WFDC11: variants seen among roughly 807,000 people sequenced by gnomAD.
The protein encoded by WFDC11 is WAP four-disulfide core domain 11.
In WFDC11, 9 loss-of-function variants were observed where a neutral mutation model predicts 9.9. That is an observed-to-expected ratio of 0.91 (90% CI 0.55 to 1.58). WFDC11 has a LOEUF of 1.58. WFDC11 is among the 40% of genes most tolerant of loss of function. The probability of loss-of-function intolerance (pLI) is 0.00; values close to 1 mark genes in which losing one functional copy is unlikely to be tolerated. For synonymous variants in WFDC11, 32 were observed against 33.3 expected (o/e 0.96, Z 0.13); for missense variants, 106 against 101.7 (o/e 1.04, Z -0.18).
chr20:45,656,536 C>T (rs1982935881), intron 2 of WFDC11, among the ~76,000 whole-genome samples: 1 of 152,200 alleles, frequency 6.6e-6, no homozygotes, highest in Non-Finnish European at 1.5e-5. Context: ...GCAAGGACTT[C>T]ATGACTAAAA....
At chr20:45,662,249 G>A (rs1279749128) in intron 2 of WFDC11, among the ~76,000 whole-genome samples, 1 of 152,168 alleles carries the variant, frequency 6.6e-6, no homozygotes, top group African/African-American at 2.4e-5. Flanking sequence ...GAATGCTTGT[G>A]ATTTTTGAAC....
chr20:45,663,945 T>A (rs890564228), intron 2 of WFDC11, among the ~76,000 whole-genome samples: 1 of 152,300 alleles, frequency 6.6e-6, no homozygotes, highest in African/African-American at 2.4e-5. Flanking sequence ...TAGGTCTGCT[T>A]GGTGCAGAGC....
chr20:45,666,202 G>A (rs1046728536), intron 2 of WFDC11, among the ~76,000 whole-genome samples: 1 of 152,216 alleles, frequency 6.6e-6, no homozygotes, highest in Non-Finnish European at 1.5e-5. Context: ...AGTGAGCAAG[G>A]CTCCGTGGGT....
chr20:45,650,621 T>C lies in WFDC11; in HGVS notation c.-21A>G. The C allele has an allele frequency of 6.3e-7, 1 of 1,598,526 alleles. No individual in the cohort carries two copies. The highest frequency in any genetic ancestry group is 8.6e-7 in the Non-Finnish European group (1 of 1,166,002). On this transcript the variant is annotated 5_prime_UTR_variant, in exon 3 of 5. Coordinates refer to ENST00000324384, the MANE Select transcript of WFDC11 (RefSeq NM_147197.2). ...ACCATATGTGTCTGAATATGTGTTG[T>C]CAGAAGGATTATTTTTCTTCCCAGT... is the stretch of plus-strand genomic sequence containing the variant.
chr20:45,669,204 A>T (rs1355014046), intron 1 of WFDC11, among the ~76,000 whole-genome samples: 1 of 152,208 alleles, frequency 6.6e-6, no homozygotes. Flanking sequence ...CTAAAAAATT[A>T]AAATTAAAAT....
chr20:45,661,479 T>A (rs1392060307), intron 2 of WFDC11, among the ~76,000 whole-genome samples: 1 of 151,922 alleles, frequency 6.6e-6, no homozygotes, highest in African/African-American at 2.4e-5. Context: ...GTTTTAGACA[T>A]GAAGTCCTTG....
chr20:45,660,648 G>A (rs1457362434), intron 2 of WFDC11, among the ~76,000 whole-genome samples: 1 of 152,092 alleles, frequency 6.6e-6, no homozygotes, highest in Non-Finnish European at 1.5e-5. Flanking sequence ...TCCCACCTAT[G>A]AGTGAGAATA....
At chr20:45,660,009 G>T (rs190209445) in intron 2 of WFDC11, among the ~76,000 whole-genome samples, 1 of 152,276 alleles carries the variant, frequency 6.6e-6, no homozygotes, top group Admixed American at 6.5e-5. Flanking sequence ...CTTTGTCAAA[G>T]ATCAGATGGT....
intron 2 of WFDC11, among the ~76,000 whole-genome samples, chr20:45,658,753 G>A (rs1568662769): frequency 6.6e-6 from 1 of 151,820 alleles, no homozygotes; most frequent in African/African-American, 2.4e-5. Context: ...TTAAGTTCTG[G>A]AGTACATGTG....
intron 2 of WFDC11, among the ~76,000 whole-genome samples, chr20:45,665,280 C>A (rs899545698): frequency 1.3e-5 from 2 of 152,284 alleles, no homozygotes; most frequent in African/African-American, 4.8e-5. Context: ...CATTTAAGGT[C>A]TTCTCTACAC....
At chr20:45,663,743 G>A (rs1455412259) in intron 2 of WFDC11, among the ~76,000 whole-genome samples, 1 of 152,230 alleles carries the variant, frequency 6.6e-6, no homozygotes. Context: ...GGTTTTGAGT[G>A]AGTTTCTTAA....
chr20:45,657,548 C>T (rs576194320), intron 2 of WFDC11, among the ~76,000 whole-genome samples: 13 of 152,142 alleles, frequency 8.5e-5, no homozygotes, highest in South Asian at 4.2e-4. Context: ...CTAACCTGCA[C>T]GTTGTGCACA....
chr20:45,650,665 C>T lies in WFDC11; in HGVS notation c.-51-14G>A. ...TCCCAGTCGCTGCTAGAGATCAAGA[C>T]ATATAAATAGGGAAAGAGAGGTGTG... On this transcript the variant is annotated splice_polypyrimidine_tract_variant and intron_variant, in intron 2 of 4. Transcript: ENST00000324384. 7.4e-7 allele frequency: 1 copy of T among 1,342,356 alleles called. No individual in the cohort carries two copies. Among genetic ancestry groups the T allele is most frequent in the Non-Finnish European group, 1.1e-6 (1 of 935,418 alleles). The allele number at this position is 1,342,356 out of a possible 1,614,324, so 83.2% of individuals were successfully genotyped here. A position where few individuals can be genotyped will look rare whatever the true frequency, so the allele number is the denominator to read the frequency against.
intron 2 of WFDC11, among the ~76,000 whole-genome samples, chr20:45,651,875 A>C (rs1041836994): frequency 6.6e-6 from 1 of 150,420 alleles, no homozygotes. Context: ...GCAAGGCGGC[A>C]GCGAGGCTGG....
intron 2 of WFDC11, among the ~76,000 whole-genome samples, chr20:45,663,041 C>A (rs1031110180): frequency 2.0e-5 from 3 of 152,012 alleles, no homozygotes; most frequent in African/African-American, 4.8e-5. Flanking sequence ...CTGTGAATCT[C>A]TCTGGTCCTG....
intron 2 of WFDC11, among the ~76,000 whole-genome samples, chr20:45,662,080 T>C (rs190399902): frequency 0.02 from 2,986 of 151,396 alleles, 51 homozygotes; most frequent in South Asian, 0.051. Flanking sequence ...TGTTTGTATC[T>C]TCTTTTATTT....
rs140400622 is a variant in WFDC11 at position 45,656,875 on chromosome 20, A to G, written c.-51-6224T>C. Among the ~76,000 whole-genome samples, 898 of 152,378 alleles carry G rather than the reference A, an allele frequency of 5.9e-3. 7 individuals are homozygous for G. Among genetic ancestry groups the G allele is most frequent in the African/African-American group, 0.019 (805 of 41,592 alleles). On this transcript the variant is annotated intron_variant, in intron 2 of 4. Coordinates refer to ENST00000324384, the MANE Select transcript of WFDC11 (RefSeq NM_147197.2). ...CATCAGAGAAATGCAAGTCAAAACC[A>G]CAATGGGATACCATCTCACACCAGT...
chr20:45,661,318 C>A (rs1297540757), intron 2 of WFDC11, among the ~76,000 whole-genome samples: 1 of 151,916 alleles, frequency 6.6e-6, no homozygotes, highest in Non-Finnish European at 1.5e-5. Flanking sequence ...TGGATATTAG[C>A]CCTTTGTCAG....
intron 2 of WFDC11, among the ~76,000 whole-genome samples, chr20:45,654,474 G>A (rs539436774): frequency 1.7e-3 from 260 of 152,192 alleles, no homozygotes; most frequent in Middle Eastern, 3.4e-3. Flanking sequence ...CCACAAGAGA[G>A]AGCAGGAAAG....
Sources: gnomAD v4.1 joint callset for allele counts (sites outside exome capture counted in the v4.1 genomes callset) on GRCh38, gnomAD v4.1.1 for gene constraint, MANE v1.5 for transcripts, NCBI Gene and HGNC (gene_info 2026-07-23, HGNC 2026-07-21) for gene names.